Variants in MINAR1 observed in about 807,000 individuals in gnomAD.
MINAR1 encodes the protein major intrinsically disordered Notch2-binding receptor 1.
MINAR1 carries 40 observed loss-of-function variants against 65.1 expected under a neutral mutation model. The ratio of observed to expected loss-of-function variants is 0.61; its 90% CI spans 0.48 to 0.80. The LOEUF is 0.80. Among genes scored for constraint, MINAR1 ranks in the 30% least tolerant of loss-of-function variants. The pLI, the probability that MINAR1 is intolerant of heterozygous loss-of-function variation, is 0.00. For missense variants in MINAR1, 1,128 were observed against 1,148.0 expected (o/e 0.98, Z 0.25); for synonymous variants, 482 against 449.1 (o/e 1.07, Z -0.93).
rs1192788455 is a variant in MINAR1, at chr15:79,435,816, ATTAAAG to A, written c.-51+3281_-51+3286del. ...TTATTGTAGGAAGTCCTTTAAAATA[ATTAAAG>A]TTAATACTGGGAATGGATTGCCCCA... On this transcript the variant is annotated intron_variant, in intron 1 of 3. Transcript: ENST00000305428. Among the ~76,000 whole-genome samples the A allele has an allele frequency of 2.0e-5, 3 of 152,246 alleles. No homozygotes were observed. In the East Asian group the frequency reaches 5.8e-4, roughly 29 times the overall value.
At position 79,452,821 on chromosome 15, in the gene MINAR1, A is replaced by T. The variant is rs549749250; in HGVS notation, c.-50-3277A>T. Among the ~76,000 whole-genome samples, 322 of 128,518 alleles carry T rather than the reference A, an allele frequency of 2.5e-3. 2 individuals carry two copies. The highest frequency in any genetic ancestry group is 9.4e-3 in the African/African-American group (316 of 33,540). The allele number at this position is 128,518 out of a possible 152,430, so 84.3% of individuals were successfully genotyped here. ...TAAGTGTGAAGCTCTGTGGGTGTGA[A>T]GCTGTCAGTGTGTCTGCATGTGAGT... On this transcript the variant is annotated intron_variant, in intron 1 of 3. Coordinates refer to ENST00000305428, the MANE Select transcript of MINAR1 (RefSeq NM_015206.3).
intron 1 of MINAR1, among the ~76,000 whole-genome samples, chr15:79,453,417 C>G (rs1032857700): frequency 4.9e-5 from 7 of 142,760 alleles, no homozygotes; most frequent in African/African-American, 1.7e-4. Context: ...TACTTCCTCT[C>G]TGAGTTCCTC....
chr15:79,448,112 C>T (rs988251431), intron 1 of MINAR1, among the ~76,000 whole-genome samples: 36 of 152,116 alleles, frequency 2.4e-4, no homozygotes, highest in African/African-American at 7.5e-4. Flanking sequence ...TAGTTATGCC[C>T]GTTAAGAAAA....
chr15:79,460,487 G>A (rs1432525155), intron 2 of MINAR1, among the ~76,000 whole-genome samples: 2 of 152,118 alleles, frequency 1.3e-5, no homozygotes, highest in Admixed American at 6.5e-5. Flanking sequence ...ACTTTGTCCA[G>A]CGTAGCTACC....
At chr15:79,461,226 C>T (rs1439579033) in intron 2 of MINAR1, among the ~76,000 whole-genome samples, 1 of 152,212 alleles carries the variant, frequency 6.6e-6, no homozygotes, top group Non-Finnish European at 1.5e-5. Context: ...GAAGTGAAAA[C>T]AGTTTCAAAT....
chr15:79,469,170 C>T lies in MINAR1; in HGVS notation c.*786C>T, dbSNP rs973502029. On this transcript the variant is annotated 3_prime_UTR_variant, in exon 4 of 4. Transcript: ENST00000305428. ...GGTCAGTATTTGAAAATCATGGCCACTCCAAAGGATCTCCTGTTCTTGCTT... is the reference window on the plus strand; with the variant it reads ...GGTCAGTATTTGAAAATCATGGCCATTCCAAAGGATCTCCTGTTCTTGCTT... 4.6e-5 allele frequency: 7 copies of T among 152,656 alleles called. No individual in the cohort carries two copies. Among genetic ancestry groups the T allele is most frequent in the Admixed American group, 2.6e-4 (4 of 15,286 alleles). The allele number at this position is 152,656 out of a possible 1,614,324, so 9.5% of individuals were successfully genotyped here. A position where few individuals can be genotyped will look rare whatever the true frequency, so the allele number is the denominator to read the frequency against.
At chr15:79,424,242 A>T in the MINAR1 span, 1 of 152,238 alleles carries the variant, frequency 6.6e-6, no homozygotes, top group African/African-American at 2.4e-5. Context: ...AGACATTCAG[A>T]TAGAGAGACC....
chr15:79,442,115 C>A (rs761373038), intron 1 of MINAR1, among the ~76,000 whole-genome samples: 1 of 150,170 alleles, frequency 6.7e-6, no homozygotes, highest in Non-Finnish European at 1.5e-5. Flanking sequence ...TCTATCCAAA[C>A]CTATCAGTTT....
the MINAR1 span, chr15:79,425,424 A>T: frequency 2.6e-5 from 4 of 152,262 alleles, 1 homozygote; most frequent in South Asian, 8.3e-4. Context: ...TAATGCCCAA[A>T]ATATATTGAT....
chr15:79,415,861 C>T, the MINAR1 span: 1 of 152,306 alleles, frequency 6.6e-6, no homozygotes, highest in East Asian at 1.9e-4. Context: ...AGGGGTTTAA[C>T]AAACAAAATT....
the MINAR1 span, chr15:79,425,309 C>G: frequency 1.3e-5 from 2 of 152,258 alleles, no homozygotes; most frequent in African/African-American, 4.8e-5. Flanking sequence ...GCTGGGATTA[C>G]AGGCCTGAGC....
At chr15:79,439,352 GTAAT>G (rs1894793358) in intron 1 of MINAR1, among the ~76,000 whole-genome samples, 9 of 60,630 alleles carry the variant, frequency 1.5e-4, no homozygotes, top group South Asian at 7.1e-4. Flanking sequence ...GTGTGTGTGG[GTAAT>G]GAGATGTGGG....
rs747225475 is a variant in MINAR1, at chr15:79,458,139, C to T, written c.1992C>T (p.Phe664=). 8.1e-6 allele frequency: 13 copies of T among 1,614,162 alleles called. No individual in the cohort carries two copies. The South Asian group carries it at 1.3e-4, about 16-fold the overall frequency. ...ATGACAGTGCCTCTCCCCGGATGTT[C>T]CACGCACACAGTGGCTCCCACGGAC... ...PSDDSASPRM[F]HAHSGSHGPK... Residue 664 remains phenylalanine (F), a synonymous_variant, in exon 2 of 4, where the codon TTC becomes TTT. Coordinates refer to ENST00000305428, the MANE Select transcript of MINAR1 (RefSeq NM_015206.3).
chr15:79,466,900 C>T (rs1895881581), intron 3 of MINAR1, among the ~76,000 whole-genome samples: 1 of 152,156 alleles, frequency 6.6e-6, no homozygotes, highest in South Asian at 2.1e-4. Flanking sequence ...AGCAGGTGTC[C>T]AATAGGAGCT....
chr15:79,463,715 G>T (rs1267307997), intron 3 of MINAR1: 2 of 468,452 alleles, frequency 4.3e-6, no homozygotes, highest in African/African-American at 4.0e-5. Context: ...AAGCATATTT[G>T]TGGGAGCCAA....
At chr15:79,448,044 A>C (rs1278004731) in intron 1 of MINAR1, among the ~76,000 whole-genome samples, 2 of 151,998 alleles carry the variant, frequency 1.3e-5, no homozygotes, top group Admixed American at 6.6e-5. Flanking sequence ...TACCTCTGTG[A>C]TTTTTCAATC....
chr15:79,424,314 G>A, the MINAR1 span: 28 of 152,246 alleles, frequency 1.8e-4, no homozygotes, highest in Admixed American at 1.4e-3. Context: ...TACCCTTTTC[G>A]ATTGAGTTTC....
At position 79,456,476 on chromosome 15, in the gene MINAR1, A is replaced by C. The variant is rs772649322; in HGVS notation, c.329A>C (p.Gln110Pro). ...AAGGAGAAGCTGCCCACGGGCCGCC[A>C]GAAGGTACGCAAGAAGGAGGCATCC... is the stretch of plus-strand genomic sequence containing the variant. Reference protein sequence around the residue: ...AAKEKLPTGRQKVRKKEASFE... With the variant: ...AAKEKLPTGRPKVRKKEASFE... The change falls in exon 2 of 4, where the codon CAG (glutamine) becomes CCG (proline). Residue 110 changes from glutamine to proline, a missense_variant. Transcript: ENST00000305428. The C allele has an allele frequency of 6.2e-7, 1 of 1,614,110 alleles. No individual in the cohort carries two copies. The highest frequency in any genetic ancestry group is 2.2e-5 in the East Asian group (1 of 44,884).
the MINAR1 span, chr15:79,424,420 G>T: frequency 6.6e-6 from 1 of 152,206 alleles, no homozygotes; most frequent in Non-Finnish European, 1.5e-5. Flanking sequence ...GAAAATGTTA[G>T]AACAGCATTA....
Sources: allele counts gnomAD v4.1 joint callset (sites outside exome capture counted in the v4.1 genomes callset), GRCh38; gene constraint gnomAD v4.1.1; transcripts MANE v1.5; gene names NCBI Gene and HGNC (gene_info 2026-07-23, HGNC 2026-07-21).